Variants in XKR6 observed in about 807,000 individuals in gnomAD.
XKR6 encodes the protein XK related 6, also known as XK-related protein 6.
A neutral mutation model predicts 56.7 loss-of-function variants in XKR6; 22 were observed. That is an observed-to-expected ratio of 0.39 (90% CI 0.28 to 0.55). The LOEUF is 0.55. Among genes scored for constraint, XKR6 ranks in the 20% least tolerant of loss-of-function variants. The probability of loss-of-function intolerance (pLI) is 0.66; values close to 1 mark genes in which losing one functional copy is unlikely to be tolerated. For synonymous variants in XKR6, 524 were observed against 387.8 expected (o/e 1.35, Z -4.13); for missense variants, 852 against 889.0 (o/e 0.96, Z 0.53).
In XKR6 at chr8:11,170,959, C is replaced by G. The variant is rs7824107; in HGVS notation, c.764+29617G>C. 7.1e-3 allele frequency among the ~76,000 whole-genome samples: 1,087 copies of G among 152,260 alleles called. 15 individuals are homozygous for G. The highest frequency in any genetic ancestry group is 0.022 in the African/African-American group (912 of 41,544). ...TAAGAATGATACTCTGTTCTATCAC[C>G]CTTCACAAATGACTACTCCAACATC... On this transcript the variant is annotated intron_variant, in intron 1 of 2. Coordinates refer to ENST00000416569, the MANE Select transcript of XKR6 (RefSeq NM_173683.4).
chr8:10,937,884 G>A (rs1250267491), intron 1 of XKR6, among the ~76,000 whole-genome samples: 1 of 152,030 alleles, frequency 6.6e-6, no homozygotes, highest in Non-Finnish European at 1.5e-5. Flanking sequence ...CAGAGGTGGA[G>A]CCTACAGAGG....
chr8:11,007,335 G>A (rs536996093), intron 1 of XKR6, among the ~76,000 whole-genome samples: 1 of 152,166 alleles, frequency 6.6e-6, no homozygotes, highest in Non-Finnish European at 1.5e-5. Flanking sequence ...GTTCCTTGCA[G>A]CCAAGTGCAT....
intron 1 of XKR6, among the ~76,000 whole-genome samples, chr8:11,161,268 A>G (rs1342947456): frequency 6.6e-6 from 1 of 152,148 alleles, no homozygotes; most frequent in Non-Finnish European, 1.5e-5. Flanking sequence ...GTCTAGAGTT[A>G]TCTTGCCACC....
At chr8:11,167,169 C>T (rs993725499) in intron 1 of XKR6, among the ~76,000 whole-genome samples, 3 of 152,166 alleles carry the variant, frequency 2.0e-5, no homozygotes, top group African/African-American at 7.2e-5. Flanking sequence ...AAAAAACAAG[C>T]ACCAACTGTC....
intron 1 of XKR6, among the ~76,000 whole-genome samples, chr8:10,983,200 A>G (rs899717602): frequency 5.9e-5 from 9 of 152,164 alleles, no homozygotes; most frequent in Admixed American, 2.6e-4. Context: ...GTAATGAATC[A>G]AAAATGTTTT....
chr8:11,069,087 G>T (rs772775936), intron 1 of XKR6, among the ~76,000 whole-genome samples: 4 of 152,066 alleles, frequency 2.6e-5, no homozygotes, highest in Non-Finnish European at 2.9e-5. Flanking sequence ...CCCATCAGCA[G>T]AGCTGAGACC....
chr8:10,901,589 T>A (rs145987072), intron 2 of XKR6, among the ~76,000 whole-genome samples: 1 of 152,334 alleles, frequency 6.6e-6, no homozygotes, highest in African/African-American at 2.4e-5. Flanking sequence ...CTGCTTGATG[T>A]TAATCATGAA....
intron 1 of XKR6, among the ~76,000 whole-genome samples, chr8:10,991,278 T>C (rs1797987319): frequency 6.6e-6 from 1 of 152,128 alleles, no homozygotes. Context: ...CAGAAAAGTC[T>C]GCTCTGGTGC....
In XKR6 at chr8:10,896,493, T is replaced by C. The variant is rs903427191; in HGVS notation, c.*1459A>G. 1 of 152,618 alleles carries C rather than the reference T, an allele frequency of 6.6e-6. No individual in the cohort carries two copies. Among genetic ancestry groups the C allele is most frequent in the Non-Finnish European group, 1.5e-5 (1 of 68,056 alleles). The allele number at this position is 152,618 out of a possible 1,614,324, so 9.5% of individuals were successfully genotyped here. On this transcript the variant is annotated 3_prime_UTR_variant, in exon 3 of 3. Coordinates refer to ENST00000416569, the MANE Select transcript of XKR6 (RefSeq NM_173683.4). ...CCAAGTTCGTCTTACATCAGTTTTG[T>C]ATATCTCTGGCAAGACTTTGCAGCA...
At chr8:10,955,044 T>C (rs1455480099) in intron 1 of XKR6, among the ~76,000 whole-genome samples, 1 of 152,034 alleles carries the variant, frequency 6.6e-6, no homozygotes, top group Non-Finnish European at 1.5e-5. Context: ...AATTTTTGTA[T>C]TTTTAGTAGA....
intron 1 of XKR6, among the ~76,000 whole-genome samples, chr8:10,950,489 A>T (rs1647630283): frequency 6.6e-6 from 1 of 152,068 alleles, no homozygotes; most frequent in South Asian, 2.1e-4. Flanking sequence ...GAACCACATC[A>T]GCATCTTGAG....
At chr8:11,186,993 ATTG>A (rs1017099873) in intron 1 of XKR6, among the ~76,000 whole-genome samples, 1 of 152,198 alleles carries the variant, frequency 6.6e-6, no homozygotes, top group Non-Finnish European at 1.5e-5. Flanking sequence ...ATGAAAACAG[ATTG>A]TTTAGACTGC....
At chr8:10,967,139 T>C (rs1802249935) in intron 1 of XKR6, among the ~76,000 whole-genome samples, 1 of 152,150 alleles carries the variant, frequency 6.6e-6, no homozygotes, top group Non-Finnish European at 1.5e-5. Flanking sequence ...GATCCTCGGA[T>C]ATAGAGACCC....
At chr8:10,977,928 G>C (rs950808363) in intron 1 of XKR6, among the ~76,000 whole-genome samples, 5 of 152,040 alleles carry the variant, frequency 3.3e-5, no homozygotes, top group Non-Finnish European at 7.4e-5. Context: ...TGATACAGGC[G>C]ATGACTCCAG....
At chr8:10,949,661 A>G (rs1442936736) in intron 1 of XKR6, among the ~76,000 whole-genome samples, 1 of 152,248 alleles carries the variant, frequency 6.6e-6, no homozygotes, top group Non-Finnish European at 1.5e-5. Context: ...TCCCCATTTT[A>G]TAATGGGAAA....
At chr8:11,128,915 C>T (rs138478562) in intron 1 of XKR6, 6 of 456,758 alleles carry the variant, frequency 1.3e-5, no homozygotes, top group Non-Finnish European at 2.2e-5. Context: ...TTCCTTTTAA[C>T]CTTGTTCCCC....
intron 1 of XKR6, among the ~76,000 whole-genome samples, chr8:11,154,676 C>T (rs951744319): frequency 3.9e-5 from 6 of 152,168 alleles, no homozygotes; most frequent in Non-Finnish European, 8.8e-5. Flanking sequence ...AGGTATCAGT[C>T]AGTGTATTTT....
chr8:11,132,880 C>T (rs1361531162), intron 1 of XKR6, among the ~76,000 whole-genome samples: 1 of 149,304 alleles, frequency 6.7e-6, no homozygotes, highest in Non-Finnish European at 1.5e-5. Flanking sequence ...AAAAATCTTC[C>T]AATGGAGATG....
At chr8:10,914,937 G>C (rs574187973) in intron 2 of XKR6, among the ~76,000 whole-genome samples, 1 of 152,290 alleles carries the variant, frequency 6.6e-6, no homozygotes, top group East Asian at 1.9e-4. Context: ...TCAGGACACT[G>C]TCCTCCAGGT....
Sources: gnomAD v4.1 joint callset for allele counts (sites outside exome capture counted in the v4.1 genomes callset) on GRCh38, gnomAD v4.1.1 for gene constraint, MANE v1.5 for transcripts, NCBI Gene and HGNC (gene_info 2026-07-23, HGNC 2026-07-21) for gene names.